Variants in HOMER2 observed in about 807,000 individuals in gnomAD.
The protein encoded by HOMER2 is homer scaffold protein 2.
A neutral mutation model predicts 47.0 loss-of-function variants in HOMER2; 27 were observed. That is an observed-to-expected ratio of 0.57 (90% confidence interval 0.42 to 0.79). The LOEUF is 0.79. Among genes scored for constraint, HOMER2 ranks in the 30% least tolerant of loss-of-function variants. The pLI is 0.00. For missense variants in HOMER2, 443 were observed against 435.0 expected (o/e 1.02, Z -0.16); for synonymous variants, 161 against 163.8 (o/e 0.98, Z 0.13).
At chr15:82,936,004 G>A (rs1596368929) in intron 1 of HOMER2, among the ~76,000 whole-genome samples, 1 of 152,074 alleles carries the variant, frequency 6.6e-6, no homozygotes, top group Admixed American at 6.6e-5. Flanking sequence ...AAATAAAACC[G>A]CCAGTCCATG....
intron 1 of HOMER2, among the ~76,000 whole-genome samples, chr15:82,897,768 T>A (rs2052981174): frequency 6.6e-6 from 1 of 152,186 alleles, no homozygotes; most frequent in African/African-American, 2.4e-5. Context: ...TCCAACTCCC[T>A]TGGAGGAATG....
intron 1 of HOMER2, among the ~76,000 whole-genome samples, chr15:82,904,248 G>A (rs964235864): frequency 4.6e-5 from 7 of 152,194 alleles, no homozygotes; most frequent in African/African-American, 9.6e-5. Context: ...AGCAGGTACC[G>A]AGAATAACAA....
intron 2 of HOMER2, among the ~76,000 whole-genome samples, chr15:82,878,560 T>C (rs532642814): frequency 6.6e-6 from 1 of 152,250 alleles, no homozygotes; most frequent in Non-Finnish European, 1.5e-5. Context: ...ATTCTCTCCA[T>C]GAATATTGCT....
At chr15:82,864,324 A>C in intron 3 of HOMER2, 65 bp from the exon 4 acceptor site, 2 of 1,070,624 alleles carry the variant, frequency 1.9e-6, no homozygotes, top group Non-Finnish European at 2.8e-6. Flanking sequence ...TTCAGAACCC[A>C]CCTTTATTTA....
chr15:82,983,918 T>C (rs1183529897), intron 1 of HOMER2, among the ~76,000 whole-genome samples: 3 of 151,982 alleles, frequency 2.0e-5, no homozygotes, highest in South Asian at 2.1e-4. Context: ...CCAATCTTTT[T>C]CTCTCGTAAT....
exon 2 of HOMER2, chr15:82,842,038 TTACA>T (rs2051181163): frequency 6.6e-6 from 1 of 152,216 alleles, no homozygotes; most frequent in African/African-American, 2.4e-5. Flanking sequence ...ATGTTTACAC[TTACA>T]TAAGTCTAAT....
At chr15:82,864,749 C>T (rs2051910272) in intron 3 of HOMER2, among the ~76,000 whole-genome samples, 1 of 152,180 alleles carries the variant, frequency 6.6e-6, no homozygotes, top group Admixed American at 6.5e-5. Context: ...TATGGGTGTT[C>T]ATTATACTAT....
exon 2 of HOMER2, chr15:82,959,213 G>C (rs1459583097): frequency 2.6e-5 from 4 of 152,378 alleles, no homozygotes; most frequent in Non-Finnish European, 5.9e-5. Flanking sequence ...ACTGTGGCCA[G>C]GGGAATGGAA....
chr15:82,841,395 A>G (rs1235321148), exon 2 of HOMER2: 1 of 152,162 alleles, frequency 6.6e-6, no homozygotes, highest in Non-Finnish European at 1.5e-5. Flanking sequence ...TAAAACCCCA[A>G]CATCCATTAC....
chr15:82,904,034 G>A lies in HOMER2; in HGVS notation c.6-11193C>T, dbSNP rs368318959. Among the ~76,000 whole-genome samples, 60 of 152,276 alleles carry A rather than the reference G, an allele frequency of 3.9e-4. No individual in the cohort carries two copies. In the East Asian group the frequency reaches 7.4e-3, roughly 19 times the overall value. ...CACCTGTAATCTCAGCTACTCGAGA[G>A]GCTGAGGTGGGAGGATCGCTTGGGC... On this transcript the variant is annotated intron_variant, in intron 1 of 8. Transcript: ENST00000450735.
chr15:82,904,946 G>C (rs1457898554), intron 1 of HOMER2, among the ~76,000 whole-genome samples: 3 of 152,184 alleles, frequency 2.0e-5, no homozygotes, highest in Non-Finnish European at 4.4e-5. Flanking sequence ...AGAACCTGCA[G>C]TCGTAATATG....
At chr15:82,931,749 A>G (rs1056091053) in intron 1 of HOMER2, among the ~76,000 whole-genome samples, 1 of 152,172 alleles carries the variant, frequency 6.6e-6, no homozygotes, top group Non-Finnish European at 1.5e-5. Flanking sequence ...GACGCAGGAG[A>G]ATCGCTTGAA....
At chr15:82,867,436 C>T (rs933697685) in intron 3 of HOMER2, among the ~76,000 whole-genome samples, 7 of 148,828 alleles carry the variant, frequency 4.7e-5, no homozygotes, top group Non-Finnish European at 1.0e-4. Flanking sequence ...TAAGCTAGTA[C>T]AACAGAAAAA....
intron 3 of HOMER2, among the ~76,000 whole-genome samples, chr15:82,872,760 G>A (rs1053519208): frequency 1.3e-5 from 2 of 152,128 alleles, no homozygotes; most frequent in African/African-American, 2.4e-5. Flanking sequence ...GACAAACCCC[G>A]AACATCTCAT....
At chr15:82,965,766 C>A (rs1389790387) in intron 1 of HOMER2, among the ~76,000 whole-genome samples, 3 of 150,218 alleles carry the variant, frequency 2.0e-5, no homozygotes, top group Non-Finnish European at 3.0e-5. Context: ...GTCCTCAAAG[C>A]CCTTTTTTTT....
At chr15:82,935,240 A>C (rs548765489) in intron 1 of HOMER2, among the ~76,000 whole-genome samples, 1 of 152,216 alleles carries the variant, frequency 6.6e-6, no homozygotes, top group East Asian at 1.9e-4. Flanking sequence ...CCTGCTCCCC[A>C]GCCTCGCACT....
chr15:82,957,016 C>T (rs1456919131), upstream of HOMER2, among the ~76,000 whole-genome samples: 1 of 152,176 alleles, frequency 6.6e-6, no homozygotes, highest in Non-Finnish European at 1.5e-5. Context: ...GTGGCACACA[C>T]CTGTAATCCT....
At chr15:82,875,194 C>A in intron 3 of HOMER2, 79 bp downstream of exon 3, 1 of 1,501,052 alleles carries the variant, frequency 6.7e-7, no homozygotes. Context: ...TCACCAAGGG[C>A]ACATCCCTCG....
At chr15:82,954,131 A>C (rs951651689), upstream of HOMER2, among the ~76,000 whole-genome samples, 8 of 152,238 alleles carry the variant, frequency 5.3e-5, no homozygotes, top group African/African-American at 1.7e-4. Context: ...TAATCTTGGG[A>C]GTTTCCAAAT....
Sources: allele counts gnomAD v4.1 joint callset (sites outside exome capture counted in the v4.1 genomes callset), GRCh38; gene constraint gnomAD v4.1.1; transcripts MANE v1.5; gene names NCBI Gene and HGNC (gene_info 2026-07-23, HGNC 2026-07-21).